Variants in MYO3B observed in about 807,000 individuals in gnomAD.
The protein encoded by MYO3B is myosin IIIB.
MYO3B carries 156 observed loss-of-function variants against 174.6 expected under a neutral mutation model. That is an observed-to-expected ratio of 0.89 (90% CI 0.78 to 1.02). The LOEUF is 1.02. Ranked by LOEUF, MYO3B falls within the 50% of genes least tolerant of loss-of-function variation. The pLI is 0.00. For synonymous variants in MYO3B, 563 were observed against 569.1 expected, an observed-to-expected ratio of 0.99 and a Z score of 0.15; for missense variants, 1,632 against 1,639.4, an observed-to-expected ratio of 1.00 and a Z score of 0.08.
At chr2:170,589,237 G>A (rs1052237021) in intron 32 of MYO3B, among the ~76,000 whole-genome samples, 6 of 152,110 alleles carry the variant, frequency 3.9e-5, no homozygotes, top group African/African-American at 1.4e-4. Context: ...ATAATACAGA[G>A]GATGTTCGTG....
chr2:170,385,046 A>G (rs1369938672), intron 12 of MYO3B, among the ~76,000 whole-genome samples: 1 of 152,100 alleles, frequency 6.6e-6, no homozygotes, highest in Admixed American at 6.6e-5. Flanking sequence ...ACTTACATTT[A>G]CCAGTTTATT....
chr2:170,412,326 T>C (rs1164278232), intron 22 of MYO3B: 1 of 152,196 alleles, frequency 6.6e-6, no homozygotes, highest in Non-Finnish European at 1.5e-5. Flanking sequence ...GTTTGGGGTG[T>C]TAAAGAAGTT....
chr2:170,300,729 C>T (rs971047254), intron 7 of MYO3B, among the ~76,000 whole-genome samples: 8 of 152,190 alleles, frequency 5.3e-5, no homozygotes, highest in African/African-American at 1.9e-4. Context: ...ATCCAGTCTG[C>T]AACCAGCTTC....
At chr2:170,186,596 GC>G (rs1230999179) in intron 1 of MYO3B, among the ~76,000 whole-genome samples, 2 of 152,024 alleles carry the variant, frequency 1.3e-5, no homozygotes, top group Admixed American at 1.3e-4. Flanking sequence ...TTTTTGATGT[GC>G]CTTTGTCAGG....
intron 30 of MYO3B, among the ~76,000 whole-genome samples, chr2:170,540,257 G>A (rs968268826): frequency 1.3e-5 from 2 of 151,886 alleles, no homozygotes; most frequent in East Asian, 1.9e-4. Context: ...CCAGGAGTTC[G>A]AGGCTGCAGT....
Position 170,593,588 on chromosome 2 carries a change from G to C in MYO3B, c.3733+49600G>C, listed in dbSNP as rs146121242. 2.2e-3 allele frequency among the ~76,000 whole-genome samples: 328 copies of C among 152,320 alleles called. 4 individuals carry two copies. Among genetic ancestry groups the C allele is most frequent in the African/African-American group, 7.6e-3 (316 of 41,572 alleles). The stretch of plus-strand genomic sequence containing the variant: ...TATCAGCTAACACTGGCTCTCTCCT[G>C]CCTCTTAGCAAGAGCTGGAGAACAA... On this transcript the variant is annotated intron_variant, in intron 32 of 34. Coordinates refer to ENST00000408978, the MANE Select transcript of MYO3B (RefSeq NM_138995.5).
At chr2:170,439,638 T>C (rs923770237) in intron 22 of MYO3B, among the ~76,000 whole-genome samples, 7 of 152,322 alleles carry the variant, frequency 4.6e-5, no homozygotes, top group Admixed American at 3.9e-4. Flanking sequence ...CCAAGACTAA[T>C]GTTATGAAGC....
chr2:170,460,487 C>CAGAA (rs1684217134), intron 23 of MYO3B, among the ~76,000 whole-genome samples: 1 of 73,682 alleles, frequency 1.4e-5, no homozygotes, highest in African/African-American at 5.8e-5. Flanking sequence ...GACTCCGTCT[C>CAGAA]AAAAAAAAAA....
intron 7 of MYO3B, among the ~76,000 whole-genome samples, chr2:170,308,078 A>G (rs2093712800): frequency 6.6e-6 from 1 of 152,118 alleles, no homozygotes; most frequent in Admixed American, 6.5e-5. Flanking sequence ...CATAGTAAAT[A>G]CTCAATAAAT....
chr2:170,469,788 T>C (rs938712868), intron 25 of MYO3B, among the ~76,000 whole-genome samples: 1 of 152,162 alleles, frequency 6.6e-6, no homozygotes, highest in African/African-American at 2.4e-5. Flanking sequence ...AATTCACGTA[T>C]GATAAAAGTC....
At chr2:170,264,172 G>A (rs1574678198) in intron 7 of MYO3B, among the ~76,000 whole-genome samples, 1 of 152,336 alleles carries the variant, frequency 6.6e-6, no homozygotes, top group East Asian at 1.9e-4. Flanking sequence ...TCTTAGTACA[G>A]AACAAAATGG....
chr2:170,519,267 G>A (rs1688511601), intron 29 of MYO3B, among the ~76,000 whole-genome samples, 171 bp from the exon 30 acceptor site: 1 of 152,068 alleles, frequency 6.6e-6, no homozygotes, highest in Non-Finnish European at 1.5e-5. Flanking sequence ...ACAAGACCTG[G>A]AATCGAGAAC....
chr2:170,192,382 A>G (rs1004420429), intron 1 of MYO3B, among the ~76,000 whole-genome samples: 2 of 150,896 alleles, frequency 1.3e-5, no homozygotes, highest in African/African-American at 2.4e-5. Flanking sequence ...TTATTTAGCG[A>G]TTTTCAAAGT....
chr2:170,363,063 C>G (rs887556661), intron 8 of MYO3B, among the ~76,000 whole-genome samples: 2 of 152,262 alleles, frequency 1.3e-5, no homozygotes, highest in South Asian at 2.1e-4. Context: ...ATGATAGCAA[C>G]CACAGGGCAG....
rs908292233 is a variant in MYO3B at position 170,523,215 on chromosome 2, A to G, written c.3575+3675A>G. ...ATCCGATATACACAATAGCTACTCA[A>G]TAAGTTTATTGAGCTAACTTTCAAA... On this transcript the variant is annotated intron_variant, in intron 30 of 34. Coordinates refer to ENST00000408978, the MANE Select transcript of MYO3B (RefSeq NM_138995.5). Among the ~76,000 whole-genome samples the G allele has an allele frequency of 5.3e-5, 8 of 152,354 alleles. No individual in the cohort carries two copies. In the East Asian group the frequency reaches 1.3e-3, roughly 26 times the overall value.
intron 7 of MYO3B, among the ~76,000 whole-genome samples, chr2:170,327,214 G>A (rs570236046): frequency 5.3e-5 from 8 of 152,238 alleles, no homozygotes; most frequent in South Asian, 4.1e-4. Flanking sequence ...GTAAAACCCT[G>A]TCTCTACTAA....
rs3047151 is a variant in MYO3B at position 170,594,827 on chromosome 2, GCACACA to G, written c.3733+50865_3733+50870del. Among the ~76,000 whole-genome samples, 305 of 135,180 alleles carry G rather than the reference GCACACA, an allele frequency of 2.3e-3. 5 individuals are homozygous for G. The East Asian group carries it at 0.047, about 21-fold the overall frequency. The allele number at this position is 135,180 out of a possible 152,430, so 88.7% of individuals were successfully genotyped here. On this transcript the variant is annotated intron_variant, in intron 32 of 34. Coordinates refer to ENST00000408978, the MANE Select transcript of MYO3B (RefSeq NM_138995.5). ...GAGTATGCACTCTTTCCCAGCGCGC[GCACACA>G]CACACACACACACACACACACACAC...
rs2093441661 is a variant in MYO3B at position 170,273,714 on chromosome 2, T to C, written c.749+37578T>C. Among the ~76,000 whole-genome samples the C allele has an allele frequency of 2.0e-5, 3 of 151,392 alleles. No individual in the cohort carries two copies. In the South Asian group the frequency reaches 6.3e-4, roughly 32 times the overall value. Reference sequence around the variant, plus strand: ...CTCAGCTCATATGTCACTTCCTCGGTGAAACCTTCCTCAAACCCGTCAAGC... The same window carrying C: ...CTCAGCTCATATGTCACTTCCTCGGCGAAACCTTCCTCAAACCCGTCAAGC... On this transcript the variant is annotated intron_variant, in intron 7 of 34. Coordinates refer to ENST00000408978, the MANE Select transcript of MYO3B (RefSeq NM_138995.5).
At chr2:170,214,999 A>T (rs1406757773) in intron 5 of MYO3B, among the ~76,000 whole-genome samples, 171 bp downstream of exon 5, 1 of 152,136 alleles carries the variant, frequency 6.6e-6, no homozygotes, top group Non-Finnish European at 1.5e-5. Context: ...ACCCTAGGAG[A>T]TGCTGTTTGC....
Sources: allele counts gnomAD v4.1 joint callset (sites outside exome capture counted in the v4.1 genomes callset), GRCh38; gene constraint gnomAD v4.1.1; transcripts MANE v1.5; gene names NCBI Gene and HGNC (gene_info 2026-07-23, HGNC 2026-07-21).